The following CLVS1 variants were observed in gnomAD, a reference collection of about 807,000 sequenced individuals.
CLVS1 encodes clavesin 1, also known as clavesin-1.
In CLVS1, 10 loss-of-function variants were observed where a neutral mutation model predicts 33.1. That is an observed-to-expected ratio of 0.30 (90% CI 0.19 to 0.51). CLVS1 has a LOEUF of 0.51. CLVS1 is among the 20% of genes least tolerant of loss of function. CLVS1 has a pLI of 0.97. For missense variants in CLVS1, 343 were observed against 433.4 expected (o/e 0.79, Z 1.85); for synonymous variants, 163 against 166.1 (o/e 0.98, Z 0.14).
At chr8:61,025,615 C>T in the CLVS1 span, among the ~76,000 whole-genome samples, 2 of 152,308 alleles carry the variant, frequency 1.3e-5, no homozygotes, top group South Asian at 2.1e-4. Context: ...TGAAGGCAAA[C>T]CCTTCGAAAT....
At chr8:61,208,591 T>G (rs1394178310) in intron 2 of CLVS1, among the ~76,000 whole-genome samples, 1 of 152,074 alleles carries the variant, frequency 6.6e-6, no homozygotes, top group Non-Finnish European at 1.5e-5. Context: ...GCACCCCATT[T>G]TTTTTTCTTT....
In CLVS1 at chr8:61,410,066, G is replaced by GTTTTT. The variant is rs201195565; in HGVS notation, c.630+33302_630+33306dup. On this transcript the variant is annotated intron_variant, in intron 3 of 5. Coordinates refer to ENST00000325897, the MANE Select transcript of CLVS1 (RefSeq NM_173519.3). The stretch of plus-strand genomic sequence containing the variant: ...ATTTGTCCTGGCTTTACTTGCAGAG[G>GTTTTT]TTTTTTTTTTTTTTTTTTTCTTTGT... Among the ~76,000 whole-genome samples, 721 of 106,792 alleles carry GTTTTT rather than the reference G, an allele frequency of 6.8e-3. 9 individuals carry two copies. Among genetic ancestry groups the GTTTTT allele is most frequent in the African/African-American group, 0.022 (654 of 29,330 alleles). The allele number at this position is 106,792 out of a possible 152,430, so 70.1% of individuals were successfully genotyped here.
At chr8:61,214,543 G>C (rs1044301192) in intron 2 of CLVS1, among the ~76,000 whole-genome samples, 13 of 152,314 alleles carry the variant, frequency 8.5e-5, no homozygotes, top group African/African-American at 3.1e-4. Flanking sequence ...AAGACACAGG[G>C]AGAAGGCAGC....
At chr8:61,133,152 T>C (rs9298047) in intron 2 of CLVS1, among the ~76,000 whole-genome samples, 41,208 of 152,070 alleles carry the variant, frequency 0.27, 6,108 homozygotes, top group East Asian at 0.57. Flanking sequence ...CCAGGGGACA[T>C]TACCCTCAAG....
At chr8:61,093,996 C>T (rs1364473548) in intron 1 of CLVS1, among the ~76,000 whole-genome samples, 1 of 152,222 alleles carries the variant, frequency 6.6e-6, no homozygotes, top group Admixed American at 6.5e-5. Flanking sequence ...GGTCATTTGG[C>T]CTGGCTTATT....
intron 5 of CLVS1, among the ~76,000 whole-genome samples, chr8:61,487,089 T>A (rs2129608440): frequency 6.6e-6 from 1 of 152,206 alleles, no homozygotes; most frequent in South Asian, 2.1e-4. Context: ...AGATTCTGAT[T>A]TAGTAGATCT....
rs565187921 is a variant in CLVS1 at position 61,220,642 on chromosome 8, G to GTT, written c.-151-79025_-151-79024dup. ...GCTTAGGATTGTCTTGGCTATACAGGTTTTTTTTTTTATTTTATATGAAAT... is the reference window on the plus strand; with the variant it reads ...GCTTAGGATTGTCTTGGCTATACAGGTTTTTTTTTTTTTATTTTATATGAAAT... On this transcript the variant is annotated intron_variant, in intron 2 of 2. Transcript: ENST00000522621. Among the ~76,000 whole-genome samples the GTT allele has an allele frequency of 5.2e-3, 766 of 147,484 alleles. 6 individuals carry two copies. The highest frequency in any genetic ancestry group is 0.017 in the African/African-American group (699 of 40,504).
the CLVS1 span, among the ~76,000 whole-genome samples, chr8:60,971,952 A>C: frequency 6.6e-6 from 1 of 151,878 alleles, no homozygotes. Flanking sequence ...TATGGCTTGC[A>C]AGCAATTGTA....
intron 2 of CLVS1, among the ~76,000 whole-genome samples, chr8:61,232,022 G>GTTTTTTGTTTGTTTTTTTTTT (rs376185436): frequency 1.7e-5 from 2 of 117,070 alleles, no homozygotes; most frequent in East Asian, 3.5e-4. Flanking sequence ...GGAAAGTTGT[G>GTTTTTTGTTTGTTTTTTTTTT]GTTTTTTTTT....
At position 61,149,568 on chromosome 8, in the gene CLVS1, A is replaced by C. The variant is rs1037302916; in HGVS notation, c.-152+17708A>C. On this transcript the variant is annotated intron_variant, in intron 2 of 2. Coordinates refer to the CLVS1 transcript ENST00000522621. The stretch of plus-strand genomic sequence containing the variant: ...CTCTGTCTCAAAAAAAAAAAAAAAA[A>C]CAAAAAACAAAACAAAAAGAAAAAG... Among the ~76,000 whole-genome samples the C allele has an allele frequency of 1.4e-5, 2 of 147,536 alleles. 1 individual carries two copies. The highest frequency in any genetic ancestry group is 3.0e-5 in the Non-Finnish European group (2 of 66,972).
intron 2 of CLVS1, chr8:61,202,312 G>A (rs188874980): frequency 5.5e-5 from 37 of 668,780 alleles, no homozygotes; most frequent in Middle Eastern, 4.4e-4. Flanking sequence ...GTTTATCTTC[G>A]TCCGCCTTCT....
At chr8:61,303,063 T>C (rs935719382) in intron 2 of CLVS1, among the ~76,000 whole-genome samples, 4 of 152,116 alleles carry the variant, frequency 2.6e-5, no homozygotes, top group South Asian at 2.1e-4. Flanking sequence ...TGAGATTTGG[T>C]TGGGGACATG....
At chr8:61,121,211 A>G (rs773583574) in intron 1 of CLVS1, among the ~76,000 whole-genome samples, 32 of 152,076 alleles carry the variant, frequency 2.1e-4, no homozygotes, top group Non-Finnish European at 4.6e-4. Flanking sequence ...AAAGTGAGGC[A>G]ATGCCTCGCC....
rs913143620 is a variant in CLVS1 at position 61,382,708 on chromosome 8, A to G, written c.630+5929A>G. On this transcript the variant is annotated intron_variant, in intron 3 of 5. Coordinates refer to ENST00000325897, the MANE Select transcript of CLVS1 (RefSeq NM_173519.3). ...CCCCACTCCCAGAGTTTCTGATTCC[A>G]TAGATCTAGAGCAGAGCCCAAGAAT... Among the ~76,000 whole-genome samples the G allele has an allele frequency of 3.3e-5, 5 of 152,150 alleles. No homozygotes were observed. In the East Asian group the frequency reaches 7.7e-4, roughly 23 times the overall value.
rs138449555 is a variant in CLVS1 at position 61,443,087 on chromosome 8, T to C, written c.631-11054T>C. Among the ~76,000 whole-genome samples, 1,361 of 152,354 alleles carry C rather than the reference T, an allele frequency of 8.9e-3. 14 individuals are homozygous for C. The highest frequency in any genetic ancestry group is 0.039 in the South Asian group (189 of 4,832). ...GCTCATATTCTCATTGGATTTCTTG[T>C]TTCAATACTGTTATATTTGAGAGCT... On this transcript the variant is annotated intron_variant, in intron 3 of 5. Coordinates refer to ENST00000325897, the MANE Select transcript of CLVS1 (RefSeq NM_173519.3).
At chr8:61,420,690 C>A (rs939769661) in intron 3 of CLVS1, among the ~76,000 whole-genome samples, 3 of 152,066 alleles carry the variant, frequency 2.0e-5, no homozygotes, top group Non-Finnish European at 4.4e-5. Flanking sequence ...ACATATGCGG[C>A]CAGGCACGGT....
the CLVS1 span, among the ~76,000 whole-genome samples, chr8:60,985,037 C>G: frequency 6.6e-6 from 1 of 152,226 alleles, no homozygotes; most frequent in Non-Finnish European, 1.5e-5. Context: ...AAGCGAAGTC[C>G]TCTCCAAATC....
At chr8:61,145,425 A>G (rs878948604) in intron 2 of CLVS1, among the ~76,000 whole-genome samples, 2 of 152,266 alleles carry the variant, frequency 1.3e-5, no homozygotes, top group Non-Finnish European at 2.9e-5. Flanking sequence ...GAAAGAATAA[A>G]AGGTGACTCT....
At chr8:60,986,484 G>A in the CLVS1 span, among the ~76,000 whole-genome samples, 1 of 152,124 alleles carries the variant, frequency 6.6e-6, no homozygotes, top group African/African-American at 2.4e-5. Context: ...TTTGACTTTT[G>A]GAGTTTATGA....
Sources: allele counts gnomAD v4.1 joint callset (sites outside exome capture counted in the v4.1 genomes callset), GRCh38; gene constraint gnomAD v4.1.1; transcripts MANE v1.5; gene names NCBI Gene and HGNC (gene_info 2026-07-23, HGNC 2026-07-21).